Variants in EML5 observed in about 807,000 individuals in gnomAD.
EML5 encodes echinoderm microtubule-associated protein-like 5.
EML5 carries 120 observed loss-of-function variants against 250.0 expected under a neutral mutation model. That is an observed-to-expected ratio of 0.48 (90% CI 0.41 to 0.56). The LOEUF is 0.56. EML5 is among the 20% of genes least tolerant of loss of function. The probability of loss-of-function intolerance (pLI) is 0.00; values close to 1 mark genes in which losing one functional copy is unlikely to be tolerated. For synonymous variants in EML5, 771 were observed against 806.5 expected, an observed-to-expected ratio of 0.96 and a Z score of 0.75; for missense variants, 2,006 against 2,437.6, an observed-to-expected ratio of 0.82 and a Z score of 3.73.
At chr14:88,748,533 T>C (rs892392765) in intron 2 of EML5, among the ~76,000 whole-genome samples, 16 of 152,184 alleles carry the variant, frequency 1.1e-4, no homozygotes, top group Admixed American at 2.0e-4. Context: ...GGAACTTGAC[T>C]ATTTGCCAGA....
Position 88,620,665 on chromosome 14 carries a change from C to T in EML5, c.5375+89G>A. The T allele has an allele frequency of 5.2e-6, 6 of 1,158,308 alleles. No homozygotes were observed. The highest frequency in any genetic ancestry group is 5.8e-6 in the Non-Finnish European group (5 of 868,196). The allele number at this position is 1,158,308 out of a possible 1,614,324, so 71.8% of individuals were successfully genotyped here. A position where few individuals can be genotyped will look rare whatever the true frequency, so the allele number is the denominator to read the frequency against. On this transcript the variant is annotated intron_variant, in intron 39 of 43. Coordinates refer to ENST00000554922, the MANE Select transcript of EML5 (RefSeq NM_183387.3). This position sits in a 1 kb window ranked among gnomAD's most constrained non-coding sequence, Gnocchi z 4.3. ...GGGAAATGCTACAGGCCCTGGGGAC[C>T]TCTTTTTGAAGGCAAGGCTATGGAA...
intron 1 of EML5, among the ~76,000 whole-genome samples, chr14:88,759,698 A>AAAAAACAAAAAAAC (rs1555374470): frequency 4.2e-5 from 6 of 142,112 alleles, no homozygotes; most frequent in African/African-American, 1.6e-4. Flanking sequence ...AAAAAAAAAA[A>AAAAAACAAAAAAAC]AAAAAACTGG....
intron 40 of EML5, 69 bp from the exon 41 acceptor site, chr14:88,618,400 A>G (rs1045145587): frequency 1.5e-6 from 2 of 1,352,696 alleles, no homozygotes; most frequent in Non-Finnish European, 2.1e-6. Context: ...GGGGGTTTAC[A>G]GAATACTAGC....
chr14:88,664,866 T>C (rs553969201), intron 22 of EML5, among the ~76,000 whole-genome samples: 2 of 152,346 alleles, frequency 1.3e-5, no homozygotes, highest in East Asian at 3.9e-4. Flanking sequence ...CTATGTATGA[T>C]GTAGTTTTGA....
chr14:88,615,845 G>A lies in EML5; in HGVS notation c.5907C>T (p.Val1969=), dbSNP rs1280701513. 3 of 1,611,658 alleles carry A rather than the reference G, an allele frequency of 1.9e-6. No individual in the cohort carries two copies. Among genetic ancestry groups the A allele is most frequent in the Non-Finnish European group, 2.5e-6 (3 of 1,178,950 alleles). ...AGTGAGGTGTATGTACACATTTCCAGACAAATAAGCTGCAATCAGAGAAGA... is the reference window on the plus strand; with the variant it reads ...AGTGAGGTGTATGTACACATTTCCAAACAAATAAGCTGCAATCAGAGAAGA... ...SAGGDDCSLF[V]WKCVHTPH is the part of the protein sequence containing the mutation. The change falls in exon 44 of 44, where the codon GTC becomes GTT. Residue 1969 remains valine (V), a synonymous_variant. Transcript: ENST00000554922.
intron 17 of EML5, among the ~76,000 whole-genome samples, chr14:88,692,276 C>CTCT (rs1377517113): frequency 7.2e-5 from 11 of 152,030 alleles, no homozygotes; most frequent in East Asian, 3.9e-4. Context: ...ACTCAGGAGG[C>CTCT]TGAGGCAGGA....
chr14:88,687,117 G>A, intron 19 of EML5, 99 bp downstream of exon 19: 1 of 913,784 alleles, frequency 1.1e-6, no homozygotes, highest in Non-Finnish European at 1.7e-6. Flanking sequence ...CAACAAGACG[G>A]AAAAATACAT....
In EML5 at chr14:88,644,441, G is replaced by A. The variant is rs773880278; in HGVS notation, c.4099C>T (p.Pro1367Ser). 5 of 1,613,646 alleles carry A rather than the reference G, an allele frequency of 3.1e-6. No homozygotes were observed. The highest frequency in any genetic ancestry group is 4.2e-6 in the Non-Finnish European group (5 of 1,179,726). Reference sequence around the variant, plus strand: ...GAGTGAGTTTTCCTTACCTCTATAGGTCTCTTTTTCTTGCCTACATTGTTT... The same window carrying A: ...GAGTGAGTTTTCCTTACCTCTATAGATCTCTTTTTCTTGCCTACATTGTTT... ...QTNNVGKKKR[P>S]IEDLVLELIF... is the part of the protein sequence containing the mutation. The change falls in exon 30 of 44, where the codon CCT becomes TCT. Residue 1367 changes from proline (P) to serine (S), a missense_variant. Coordinates refer to ENST00000554922, the MANE Select transcript of EML5 (RefSeq NM_183387.3).
intron 40 of EML5, 80 bp from the exon 41 acceptor site, chr14:88,618,411 A>G (rs898620308): frequency 8.0e-7 from 1 of 1,255,724 alleles, no homozygotes; most frequent in Non-Finnish European, 1.1e-6. Flanking sequence ...GAATACTAGC[A>G]TATTGCTACT....
At chr14:88,699,981 C>G (rs1478474891) in intron 14 of EML5, among the ~76,000 whole-genome samples, 2 of 152,158 alleles carry the variant, frequency 1.3e-5, no homozygotes, top group East Asian at 3.8e-4. Context: ...TATACACACA[C>G]ACATACATAT....
chr14:88,643,606 T>C (rs954593669), intron 30 of EML5, among the ~76,000 whole-genome samples: 19 of 152,202 alleles, frequency 1.2e-4, no homozygotes, highest in African/African-American at 4.3e-4. Context: ...ATAGAGGGAC[T>C]GTATTTTTTG....
At chr14:88,648,378 G>C (rs2091456307) in intron 28 of EML5, among the ~76,000 whole-genome samples, 1 of 151,964 alleles carries the variant, frequency 6.6e-6, no homozygotes, top group South Asian at 2.1e-4. Flanking sequence ...TTTTGAGACA[G>C]GGTCTTGCTC....
chr14:88,759,453 G>A (rs192277233), intron 1 of EML5, among the ~76,000 whole-genome samples: 2 of 151,968 alleles, frequency 1.3e-5, no homozygotes, highest in African/African-American at 4.8e-5. Flanking sequence ...GGAGGCTGAG[G>A]CAGGAGGATC....
intron 1 of EML5, among the ~76,000 whole-genome samples, chr14:88,769,795 C>T (rs1481914507): frequency 6.6e-6 from 1 of 152,138 alleles, no homozygotes; most frequent in Non-Finnish European, 1.5e-5. Flanking sequence ...TAATCCGAAA[C>T]CACAGGGCTC....
At chr14:88,768,906 G>A (rs1277506557) in intron 1 of EML5, among the ~76,000 whole-genome samples, 2 of 152,100 alleles carry the variant, frequency 1.3e-5, no homozygotes, top group Non-Finnish European at 2.9e-5. Flanking sequence ...CGCTCTGTGG[G>A]CCATACAGTT....
intron 37 of EML5, chr14:88,621,624 A>G (rs1029255801): frequency 1.1e-5 from 4 of 355,998 alleles, no homozygotes; most frequent in Admixed American, 4.0e-5. Context: ...GCAGTGGGAT[A>G]TAGGAAAAAA....
intron 29 of EML5, 112 bp downstream of exon 29, chr14:88,646,835 A>C: frequency 8.9e-7 from 1 of 1,120,096 alleles, no homozygotes; most frequent in Non-Finnish European, 1.2e-6. Context: ...AAATGTGCAA[A>C]ACTGTGAAGA....
At chr14:88,697,073 T>A (rs1210811440) in intron 14 of EML5, 121 bp from the exon 15 acceptor site, 1 of 654,562 alleles carries the variant, frequency 1.5e-6, no homozygotes, top group African/African-American at 1.9e-5. Flanking sequence ...ATTTATTAAA[T>A]AAAAATTTAA....
chr14:88,657,214 AAAGGT>A (rs2091905715), intron 27 of EML5, among the ~76,000 whole-genome samples, 157 bp downstream of exon 27: 1 of 152,214 alleles, frequency 6.6e-6, no homozygotes, highest in Non-Finnish European at 1.5e-5. Flanking sequence ...GCTGATACCA[AAAGGT>A]ATTTAAAGAC....
Sources: gnomAD v4.1 joint callset for allele counts (sites outside exome capture counted in the v4.1 genomes callset) on GRCh38, gnomAD v4.1.1 for gene constraint, Gnocchi (gnomAD v3.1) non-coding constraint, MANE v1.5 for transcripts, NCBI Gene and HGNC (gene_info 2026-07-23, HGNC 2026-07-21) for gene names.